AKT2: variants seen among roughly 807,000 people sequenced by gnomAD.
The protein encoded by AKT2 is RAC-beta serine/threonine-protein kinase.
Under a neutral mutation model 58.6 loss-of-function variants are expected in AKT2, and 16 were observed. That is an observed-to-expected ratio of 0.27 (90% CI 0.18 to 0.41). AKT2 has a LOEUF of 0.41. Ranked by LOEUF, AKT2 falls within the 10% of genes least tolerant of loss-of-function variation. AKT2 has a pLI of 1.00. For synonymous variants in AKT2, 253 were observed against 254.0 expected (o/e 1.00, Z 0.04); for missense variants, 438 against 661.0 (o/e 0.66, Z 3.70).
At chr19:40,270,952 G>A (rs940830930) in intron 1 of AKT2, among the ~76,000 whole-genome samples, 2 of 152,010 alleles carry the variant, frequency 1.3e-5, no homozygotes, top group African/African-American at 2.4e-5. Flanking sequence ...GGTTGAGGCT[G>A]CAGTGAGCTA....
intron 2 of AKT2, among the ~76,000 whole-genome samples, chr19:40,262,830 TA>T (rs1976060183): frequency 6.6e-6 from 1 of 152,208 alleles, no homozygotes; most frequent in African/African-American, 2.4e-5. Context: ...AAGTGCTCAG[TA>T]AACCAGCACT....
chr19:40,237,891 C>T lies in AKT2; in HGVS notation c.831+78G>A. The T allele has an allele frequency of 6.3e-7, 1 of 1,590,712 alleles. No individual in the cohort carries two copies. The highest frequency in any genetic ancestry group is 8.6e-7 in the Non-Finnish European group (1 of 1,168,310). On this transcript the variant is annotated intron_variant, in intron 9 of 13. Coordinates refer to ENST00000392038, the MANE Select transcript of AKT2 (RefSeq NM_001626.6). This position sits in a 1 kb window ranked among gnomAD's most constrained non-coding sequence, Gnocchi z 4.5. The stretch of plus-strand genomic sequence containing the variant: ...GGAGCCTGGCGAATGAGGGCAGAAG[C>T]TCAGCCCAACTTCCCCAGTGTGAGT...
At chr19:40,264,884 C>T (rs887487230) in intron 2 of AKT2, among the ~76,000 whole-genome samples, 1 of 152,256 alleles carries the variant, frequency 6.6e-6, no homozygotes, top group Admixed American at 6.5e-5. Context: ...TCCGGCACAG[C>T]ACACAGTCAA....
chr19:40,253,023 C>A (rs987656361), intron 4 of AKT2, among the ~76,000 whole-genome samples: 1 of 152,150 alleles, frequency 6.6e-6, no homozygotes, highest in Non-Finnish European at 1.5e-5. Flanking sequence ...AGTAACAAGT[C>A]TCATGATATT....
rs1974471907 is a variant in AKT2, at chr19:40,242,454, T to C, written c.441+80A>G. Reference sequence around the variant, plus strand: ...CAGCTGAGCCCCCTGAACTGTGTTATGGAAACCAAGGAGAGCAGGCCAGCA... The same window carrying C: ...CAGCTGAGCCCCCTGAACTGTGTTACGGAAACCAAGGAGAGCAGGCCAGCA... On this transcript the variant is annotated intron_variant, in intron 5 of 13. Coordinates refer to ENST00000392038, the MANE Select transcript of AKT2 (RefSeq NM_001626.6). The surrounding 1 kb of genome is among the most constrained non-coding windows in gnomAD (Gnocchi z 4.3). The C allele has an allele frequency of 4.4e-6, 7 of 1,595,390 alleles. No individual in the cohort carries two copies. Among genetic ancestry groups the C allele is most frequent in the South Asian group, 1.1e-5 (1 of 90,726 alleles).
chr19:40,265,421 G>A (rs893918704), intron 1 of AKT2, 70 bp from the exon 2 acceptor site: 68 of 1,515,592 alleles, frequency 4.5e-5, no homozygotes, highest in Middle Eastern at 2.3e-4. Context: ...TGAGGACGCC[G>A]GGCTCTGAGG....
intron 7 of AKT2, chr19:40,239,454 A>C (rs929253308): frequency 8.3e-5 from 23 of 276,556 alleles, no homozygotes; most frequent in Middle Eastern, 2.7e-3. Context: ...CCTTCAGCTC[A>C]TGACAACTCA....
At chr19:40,256,566 C>T (rs1329919735) in intron 3 of AKT2, among the ~76,000 whole-genome samples, 1 of 152,166 alleles carries the variant, frequency 6.6e-6, no homozygotes, top group Non-Finnish European at 1.5e-5. Flanking sequence ...TGTGACCCCT[C>T]TACGTCCGAG....
At position 40,233,951 on chromosome 19, in the gene AKT2, T is replaced by C; in HGVS notation, c.1367A>G (p.Tyr456Cys). Reference sequence around the variant, plus strand: ...CAGCTCCAGTAAGCCCAGGCTGTCATCTGTGGGCGGCAGAGGTGGATGGGG... The same window carrying C: ...CAGCTCCAGTAAGCCCAGGCTGTCACCTGTGGGCGGCAGAGGTGGATGGGG... ...QSITITPPDR[Y>C]DSLGLLELDQ... The change falls in exon 14 of 14, where the codon TAT becomes TGT. Residue 456 changes from tyrosine to cysteine, a missense_variant and splice_region_variant. Around this residue, in one of 3 missense-constraint regions of AKT2, gnomAD observed 148 missense variants for 199.5 expected, o/e 0.74. Transcript: ENST00000392038. This position sits in a 1 kb window ranked among gnomAD's most constrained non-coding sequence, Gnocchi z 4.3. 1 of 1,610,604 alleles carries C rather than the reference T, an allele frequency of 6.2e-7. No homozygotes were observed. The highest frequency in any genetic ancestry group is 1.1e-5 in the South Asian group (1 of 91,026).
chr19:40,242,840 A>T lies in AKT2; in HGVS notation c.288-153T>A, dbSNP rs1015623827. The T allele has an allele frequency of 1.8e-5, 15 of 825,236 alleles. No individual in the cohort carries two copies. Among genetic ancestry groups the T allele is most frequent in the East Asian group, 1.3e-4 (5 of 37,218 alleles). The allele number at this position is 825,236 out of a possible 1,614,324, so 51.1% of individuals were successfully genotyped here. ...GGCAAGATCTGTCAGAACCAGAGAG[A>T]GCTGAAGGGACCTGAGTGAAATTCC... On this transcript the variant is annotated intron_variant, in intron 4 of 13. Coordinates refer to ENST00000392038, the MANE Select transcript of AKT2 (RefSeq NM_001626.6). This position sits in a 1 kb window ranked among gnomAD's most constrained non-coding sequence, Gnocchi z 4.3.
Position 40,235,429 on chromosome 19 carries a change from CT to C in AKT2, c.1176-80del, listed in dbSNP as rs760824811. ...GACGGGCTTTCGGAGCAGGCAGGCC[CT>C]GTATGGCCCTTAATGATTCTGTCTT... On this transcript the variant is annotated intron_variant, in intron 11 of 13. Transcript: ENST00000392038. The surrounding 1 kb of genome is among the most constrained non-coding windows in gnomAD (Gnocchi z 6.3). 85 of 1,236,390 alleles carry C rather than the reference CT, an allele frequency of 6.9e-5. No individual in the cohort carries two copies. The East Asian group carries it at 1.9e-3, about 27-fold the overall frequency. 76.6% of individuals were successfully genotyped at this position (1,236,390 alleles called of 1,614,324 possible). A position where few individuals can be genotyped will look rare whatever the true frequency, so the allele number is the denominator to read the frequency against.
At chr19:40,262,457 G>A (rs890843661) in intron 2 of AKT2, among the ~76,000 whole-genome samples, 1 of 152,202 alleles carries the variant, frequency 6.6e-6, no homozygotes, top group African/African-American at 2.4e-5. Context: ...GCCCAGCATG[G>A]GGCGTGGCAG....
intron 2 of AKT2, among the ~76,000 whole-genome samples, chr19:40,264,859 C>A (rs1269701192): frequency 6.6e-6 from 1 of 152,228 alleles, no homozygotes; most frequent in Non-Finnish European, 1.5e-5. Context: ...CACTGTGTCT[C>A]GGAGCCCGGG....
chr19:40,276,242 GC>G (rs1304450257), intron 1 of AKT2, among the ~76,000 whole-genome samples: 1 of 149,728 alleles, frequency 6.7e-6, no homozygotes, highest in Non-Finnish European at 1.5e-5. Flanking sequence ...CAGGACTCAG[GC>G]CCAAACTCAC....
chr19:40,233,052 C>T lies in AKT2; in HGVS notation c.*820G>A, dbSNP rs1393404943. 7 of 236,024 alleles carry T rather than the reference C, an allele frequency of 3.0e-5. No individual in the cohort carries two copies. The highest frequency in any genetic ancestry group is 1.5e-4 in the African/African-American group (7 of 45,330). 14.6% of individuals were successfully genotyped at this position (236,024 alleles called of 1,614,324 possible). On this transcript the variant is annotated 3_prime_UTR_variant, in exon 14 of 14. Coordinates refer to ENST00000392038, the MANE Select transcript of AKT2 (RefSeq NM_001626.6). This position sits in a 1 kb window ranked among gnomAD's most constrained non-coding sequence, Gnocchi z 4.3. ...AGGAGAGGGTGAGCCCAGCCCATAG[C>T]CCCCAGTGGGGCCAGGCCAGGCCCA...
Position 40,234,273 on chromosome 19 carries a change from G to A in AKT2, c.1367-322C>T, listed in dbSNP as rs1490396251. 6.6e-6 allele frequency among the ~76,000 whole-genome samples: 1 copy of A among 152,020 alleles called. No individual in the cohort carries two copies. The highest frequency in any genetic ancestry group is 1.5e-5 in the Non-Finnish European group (1 of 67,980). On this transcript the variant is annotated intron_variant, in intron 13 of 13. Transcript: ENST00000392038. The surrounding 1 kb of genome is among the most constrained non-coding windows in gnomAD (Gnocchi z 4.7). ...AGAGCCCTGTCCTGGCCTGCCTCTC[G>A]CACCCTCCCATCCATTCTCCACGGG...
chr19:40,266,009 A>T (rs1360127885), intron 1 of AKT2: 1 of 155,162 alleles, frequency 6.4e-6, no homozygotes, highest in Non-Finnish European at 1.4e-5. Flanking sequence ...AAAGCAACCT[A>T]CTGCGTATGC....
chr19:40,246,061 A>G (rs1974732904), intron 4 of AKT2, among the ~76,000 whole-genome samples: 1 of 150,750 alleles, frequency 6.6e-6, no homozygotes, highest in South Asian at 2.1e-4. Context: ...CCTAATTCCC[A>G]AACCCTACAC....
intron 1 of AKT2, chr19:40,270,448 C>T (rs1976627242): frequency 6.6e-6 from 1 of 152,326 alleles, no homozygotes. Context: ...AGCTCAATTC[C>T]TTTCCTTGCC....
Sources: allele counts gnomAD v4.1 joint callset (sites outside exome capture counted in the v4.1 genomes callset), GRCh38; gene constraint gnomAD v4.1.1; regional missense constraint gnomAD v4.1.1; non-coding constraint Gnocchi (gnomAD v3.1); transcripts MANE v1.5; gene names NCBI Gene and HGNC (gene_info 2026-07-23, HGNC 2026-07-21).